The following PAM variants were observed in gnomAD, a reference collection of about 807,000 sequenced individuals.
PAM encodes peptidylglycine alpha-amidating monooxygenase.
In PAM, 72 loss-of-function variants were observed where a neutral mutation model predicts 122.1. That is an observed-to-expected ratio of 0.59 (90% confidence interval 0.49 to 0.72). The LOEUF (loss-of-function observed/expected upper bound fraction) is 0.72, where lower values mean the gene tolerates loss of function less well. Among genes scored for constraint, PAM ranks in the 30% least tolerant of loss-of-function variants. PAM has a pLI of 0.00. For missense variants in PAM, 1,106 were observed against 1,183.7 expected (o/e 0.93, Z 0.96); for synonymous variants, 389 against 404.4 (o/e 0.96, Z 0.46).
At chr5:103,007,705 T>G (rs1160634190) in intron 20 of PAM, 48 bp downstream of exon 20, 1 of 1,202,762 alleles carries the variant, frequency 8.3e-7, no homozygotes, top group South Asian at 1.3e-5. Context: ...CTGTACTCTA[T>G]CCTTAAAAAT....
At chr5:102,805,064 CTTTTT>C (rs527963126) in intron 1 of PAM, among the ~76,000 whole-genome samples, 6 of 103,774 alleles carry the variant, frequency 5.8e-5, no homozygotes, top group Non-Finnish European at 1.1e-4. Flanking sequence ...GGGAATTTTC[CTTTTT>C]TTTTTTTTTT....
At chr5:102,903,140 A>T (rs889682383) in intron 4 of PAM, among the ~76,000 whole-genome samples, 5 of 151,568 alleles carry the variant, frequency 3.3e-5, no homozygotes, top group Non-Finnish European at 7.4e-5. Flanking sequence ...CCAAGTTATA[A>T]GGTCCTTAAA....
chr5:102,823,928 C>T (rs1429477399), intron 1 of PAM, among the ~76,000 whole-genome samples: 3 of 152,078 alleles, frequency 2.0e-5, no homozygotes, highest in African/African-American at 4.8e-5. Context: ...CCCCCTTCTT[C>T]GTTTAGGAGA....
intron 5 of PAM, among the ~76,000 whole-genome samples, chr5:102,924,099 T>C (rs1390500688): frequency 6.6e-6 from 1 of 152,156 alleles, no homozygotes; most frequent in Non-Finnish European, 1.5e-5. Context: ...CATTCCAGTA[T>C]TCATAAACTC....
chr5:103,007,556 A>G lies in PAM; in HGVS notation c.2114A>G (p.Asn705Ser), dbSNP rs1779408062. The change falls in exon 20 of 26, where the codon AAT (asparagine) becomes AGT (serine). Residue 705 changes from asparagine to serine, a missense_variant. Coordinates refer to ENST00000438793, the MANE Select transcript of PAM (RefSeq NM_001177306.2). ...CAATTATGTGTGGCAGACCGGGAAA[A>G]TGGTCGGATCCAGTGTTTTAAAACT... ...LGQLCVADRE[N>S]GRIQCFKTDT... 3 of 1,613,822 alleles carry G rather than the reference A, an allele frequency of 1.9e-6. No homozygotes were observed. The highest frequency in any genetic ancestry group is 2.2e-5 in the South Asian group (2 of 91,094).
rs1044301442 is a variant in PAM at position 103,020,227 on chromosome 5, T to G, written c.2485+384T>G. Among the ~76,000 whole-genome samples the G allele has an allele frequency of 7.9e-5, 12 of 152,260 alleles. No individual in the cohort carries two copies. The East Asian group carries it at 1.9e-3, about 24-fold the overall frequency. ...AACCTTTTCTTAATAGGCCCTAATA[T>G]AAAGGAGTGAAAAATATCTTTGGTG... On this transcript the variant is annotated intron_variant, in intron 23 of 25. Coordinates refer to ENST00000438793, the MANE Select transcript of PAM (RefSeq NM_001177306.2).
intron 1 of PAM, among the ~76,000 whole-genome samples, chr5:102,785,746 G>A (rs1760340796): frequency 6.6e-6 from 1 of 152,082 alleles, no homozygotes; most frequent in Admixed American, 6.6e-5. Context: ...AATATAAGGT[G>A]TCTTCAAGCA....
intron 7 of PAM, among the ~76,000 whole-genome samples, chr5:102,943,543 C>T (rs555618681): frequency 6.6e-6 from 1 of 151,946 alleles, no homozygotes; most frequent in Admixed American, 6.6e-5. Context: ...GATATAGAAC[C>T]CTTGTTTTTT....
intron 1 of PAM, among the ~76,000 whole-genome samples, chr5:102,845,936 C>T (rs568165076): frequency 1.3e-5 from 2 of 152,260 alleles, no homozygotes; most frequent in Admixed American, 6.5e-5. Flanking sequence ...TACTAGCTCA[C>T]ATTTGGTGGT....
intron 1 of PAM, among the ~76,000 whole-genome samples, chr5:102,800,780 C>G (rs1026292726): frequency 6.6e-6 from 1 of 152,120 alleles, no homozygotes; most frequent in African/African-American, 2.4e-5. Flanking sequence ...GTCCTGATCA[C>G]TTTATACTCT....
chr5:102,762,936 C>T (rs1388834268), intron 1 of PAM, among the ~76,000 whole-genome samples: 4 of 152,096 alleles, frequency 2.6e-5, no homozygotes, highest in Non-Finnish European at 1.5e-5. Context: ...ATAGAAAATG[C>T]CAAGGAGAGG....
chr5:102,921,818 G>A (rs969845042), intron 5 of PAM, among the ~76,000 whole-genome samples: 27 of 152,190 alleles, frequency 1.8e-4, no homozygotes, highest in African/African-American at 6.5e-4. Context: ...CCATAAATCA[G>A]TGTCAAGAAT....
At chr5:102,886,045 A>G (rs1245633947) in intron 3 of PAM, among the ~76,000 whole-genome samples, 4 of 152,004 alleles carry the variant, frequency 2.6e-5, no homozygotes, top group Non-Finnish European at 4.4e-5. Flanking sequence ...ATTCCCCACG[A>G]TTCAAAAATA....
chr5:102,845,147 G>A (rs1779661520), intron 1 of PAM, among the ~76,000 whole-genome samples: 1 of 152,236 alleles, frequency 6.6e-6, no homozygotes, highest in Non-Finnish European at 1.5e-5. Flanking sequence ...GCCACACATT[G>A]AGCAGCTGTT....
At chr5:102,861,320 G>A (rs1283593943) in intron 1 of PAM, among the ~76,000 whole-genome samples, 1 of 152,180 alleles carries the variant, frequency 6.6e-6, no homozygotes, top group Admixed American at 6.5e-5. Flanking sequence ...TAGATATGCA[G>A]CAATGGACAA....
intron 1 of PAM, among the ~76,000 whole-genome samples, chr5:102,817,594 A>G (rs1770315527): frequency 6.6e-6 from 1 of 152,150 alleles, no homozygotes; most frequent in African/African-American, 2.4e-5. Flanking sequence ...AATTAAATGT[A>G]TGGTTCACAT....
chr5:103,022,224 G>T (rs1783763857), intron 23 of PAM, among the ~76,000 whole-genome samples: 1 of 140,286 alleles, frequency 7.1e-6, no homozygotes, highest in African/African-American at 2.5e-5. Flanking sequence ...ACATTGTAAG[G>T]AAACACATTA....
At chr5:102,970,446 A>G (rs1295529472) in intron 14 of PAM, among the ~76,000 whole-genome samples, 2 of 152,182 alleles carry the variant, frequency 1.3e-5, no homozygotes, top group Non-Finnish European at 2.9e-5. Context: ...GAGAAGATGG[A>G]AAAGCCTGAA....
intron 1 of PAM, among the ~76,000 whole-genome samples, chr5:102,783,327 G>T (rs1327221366): frequency 6.6e-6 from 1 of 151,862 alleles, no homozygotes; most frequent in African/African-American, 2.4e-5. Context: ...GGACAAATAT[G>T]ATTCAGTTTT....
Sources: gnomAD v4.1 joint callset for allele counts (sites outside exome capture counted in the v4.1 genomes callset) on GRCh38, gnomAD v4.1.1 for gene constraint, MANE v1.5 for transcripts, NCBI Gene and HGNC (gene_info 2026-07-23, HGNC 2026-07-21) for gene names.